Variants in SPAG16 observed in about 807,000 individuals in gnomAD.
SPAG16 encodes sperm-associated antigen 16 protein.
A neutral mutation model predicts 80.4 loss-of-function variants in SPAG16; 86 were observed. The ratio of observed to expected loss-of-function variants is 1.07; its 90% CI spans 0.90 to 1.28. SPAG16 has a LOEUF of 1.28. SPAG16 is among the 50% of genes most tolerant of loss of function. The pLI, the probability that SPAG16 is intolerant of heterozygous loss-of-function variation, is 0.00. For missense variants in SPAG16, 870 were observed against 765.3 expected (o/e 1.14, Z -1.61); for synonymous variants, 294 against 265.9 (o/e 1.11, Z -1.03).
At chr2:213,333,837 G>T (rs1039591755) in intron 5 of SPAG16, among the ~76,000 whole-genome samples, 5 of 151,960 alleles carry the variant, frequency 3.3e-5, no homozygotes, top group African/African-American at 9.7e-5. Context: ...GTCTCATCAT[G>T]TGCAAAAATC....
At chr2:213,414,774 C>T (rs1299573930) in intron 9 of SPAG16, among the ~76,000 whole-genome samples, 1 of 152,118 alleles carries the variant, frequency 6.6e-6, no homozygotes, top group Non-Finnish European at 1.5e-5. Context: ...ACTATTTGAC[C>T]TAGAGTCTTA....
chr2:213,908,052 T>C (rs1405289245), intron 11 of SPAG16, among the ~76,000 whole-genome samples: 1 of 152,198 alleles, frequency 6.6e-6, no homozygotes, highest in Non-Finnish European at 1.5e-5. Flanking sequence ...CTTGACGTGG[T>C]GAATATGCTA....
At chr2:214,073,459 T>A (rs1043208804) in intron 13 of SPAG16, among the ~76,000 whole-genome samples, 26 of 151,898 alleles carry the variant, frequency 1.7e-4, no homozygotes, top group Non-Finnish European at 5.9e-5. Context: ...ATGGTCTCGA[T>A]CTCCTGAGCT....
At chr2:213,713,341 G>A (rs2066089795) in intron 10 of SPAG16, among the ~76,000 whole-genome samples, 1 of 152,108 alleles carries the variant, frequency 6.6e-6, no homozygotes, top group African/African-American at 2.4e-5. Flanking sequence ...GAGAGAACTG[G>A]GAGAAGTCTT....
At chr2:213,933,124 A>C (rs2078840062) in intron 12 of SPAG16, among the ~76,000 whole-genome samples, 1 of 152,180 alleles carries the variant, frequency 6.6e-6, no homozygotes, top group Non-Finnish European at 1.5e-5. Flanking sequence ...ACTACAATAT[A>C]ATTATGCTGT....
chr2:213,923,575 ATG>A (rs1333038894), intron 11 of SPAG16, among the ~76,000 whole-genome samples: 1 of 152,206 alleles, frequency 6.6e-6, no homozygotes, highest in Non-Finnish European at 1.5e-5. Context: ...AAACTCTATC[ATG>A]TGTCGCTTGC....
intron 11 of SPAG16, among the ~76,000 whole-genome samples, chr2:213,909,680 A>G (rs1242348335): frequency 1.3e-5 from 2 of 152,198 alleles, no homozygotes; most frequent in Admixed American, 6.5e-5. Flanking sequence ...CCATATGTAG[A>G]AAGTTGAAAC....
intron 11 of SPAG16, among the ~76,000 whole-genome samples, chr2:213,928,285 G>C (rs1244266365): frequency 6.6e-6 from 1 of 151,536 alleles, no homozygotes; most frequent in Non-Finnish European, 1.5e-5. Context: ...GTAGAGACGG[G>C]GTTTCACCAT....
chr2:214,005,108 T>C (rs997857710), intron 12 of SPAG16, among the ~76,000 whole-genome samples: 7 of 152,172 alleles, frequency 4.6e-5, no homozygotes, highest in Admixed American at 1.3e-4. Context: ...GCTATTTTAA[T>C]ATTTGGTCTT....
chr2:213,768,539 T>C (rs1232151856), intron 10 of SPAG16, among the ~76,000 whole-genome samples: 1 of 152,116 alleles, frequency 6.6e-6, no homozygotes, highest in Non-Finnish European at 1.5e-5. Flanking sequence ...GGTGACTGGG[T>C]ATGGAAGGTG....
chr2:213,456,322 G>A (rs1162586788), intron 9 of SPAG16, among the ~76,000 whole-genome samples: 1 of 152,110 alleles, frequency 6.6e-6, no homozygotes, highest in Non-Finnish European at 1.5e-5. Flanking sequence ...ACAAACTGAG[G>A]AATGCAAATA....
At chr2:213,556,312 C>CAAAAAAAAAAAAAAAAAAAAAAAAAAAA (rs35010847) in intron 10 of SPAG16, among the ~76,000 whole-genome samples, 1 of 112,838 alleles carries the variant, frequency 8.9e-6, no homozygotes, top group Non-Finnish European at 1.8e-5. Flanking sequence ...AAAAAAAAAC[C>CAAAAAAAAAAAAAAAAAAAAAAAAAAAA]AAAAAAAAAA....
intron 15 of SPAG16, among the ~76,000 whole-genome samples, chr2:214,197,728 T>C (rs2057884909): frequency 6.6e-6 from 1 of 152,018 alleles, no homozygotes; most frequent in Non-Finnish European, 1.5e-5. Flanking sequence ...TTTGGTACTT[T>C]TCATTGTAAT....
intron 15 of SPAG16, among the ~76,000 whole-genome samples, chr2:214,386,231 C>T (rs1297879773): frequency 3.3e-5 from 5 of 151,580 alleles, no homozygotes; most frequent in East Asian, 3.9e-4. Context: ...AAAACTTAGC[C>T]GGGCATGGTG....
rs2050189644 is a variant in SPAG16, at chr2:214,060,306, A to G, written c.1527+46229A>G. Among the ~76,000 whole-genome samples, 6 of 152,196 alleles carry G rather than the reference A, an allele frequency of 3.9e-5. No individual in the cohort carries two copies. In the South Asian group the frequency reaches 1.2e-3, roughly 32 times the overall value. ...AGAAGGAGCCAGGGATGAAAACCTT[A>G]GTTCCCAAACATTCCTTATTTTGAA... On this transcript the variant is annotated intron_variant, in intron 13 of 15. Transcript: ENST00000331683.
intron 13 of SPAG16, among the ~76,000 whole-genome samples, chr2:214,045,067 A>C (rs529432094): frequency 6.6e-6 from 1 of 152,292 alleles, no homozygotes; most frequent in South Asian, 2.1e-4. Context: ...CAGGGTGGTA[A>C]GCGAGTGCTT....
intron 8 of SPAG16, among the ~76,000 whole-genome samples, chr2:213,369,968 A>G (rs983561482): frequency 6.6e-6 from 1 of 152,220 alleles, no homozygotes; most frequent in Non-Finnish European, 1.5e-5. Flanking sequence ...TGTGGAATTC[A>G]ACACATTTAT....
chr2:213,578,429 T>A (rs1438766405), intron 10 of SPAG16, among the ~76,000 whole-genome samples: 11 of 152,152 alleles, frequency 7.2e-5, no homozygotes, highest in Non-Finnish European at 1.5e-4. Flanking sequence ...GTACAAAAAA[T>A]AAACTTTGTA....
intron 10 of SPAG16, among the ~76,000 whole-genome samples, chr2:213,747,904 T>C (rs1427444408): frequency 6.6e-6 from 1 of 152,262 alleles, no homozygotes; most frequent in African/African-American, 2.4e-5. Flanking sequence ...ATAAAACATA[T>C]TCTGTCATTC....
Sources: allele counts gnomAD v4.1 joint callset (sites outside exome capture counted in the v4.1 genomes callset), GRCh38; gene constraint gnomAD v4.1.1; transcripts MANE v1.5; gene names NCBI Gene and HGNC (gene_info 2026-07-23, HGNC 2026-07-21).